The following SLC15A1 variants were observed in gnomAD, a reference collection of about 807,000 sequenced individuals.
The protein encoded by SLC15A1 is Caco-2 oligopeptide transporter.
Under a neutral mutation model 92.9 loss-of-function variants are expected in SLC15A1, and 83 were observed. That is an observed-to-expected ratio of 0.89 (90% confidence interval 0.75 to 1.07). SLC15A1 has a LOEUF of 1.07. Ranked by LOEUF, SLC15A1 falls within the 50% of genes least tolerant of loss-of-function variation. SLC15A1 has a pLI of 0.00. For missense variants in SLC15A1, 857 were observed against 880.1 expected (o/e 0.97, Z 0.33); for synonymous variants, 322 against 318.2 (o/e 1.01, Z -0.13).
chr13:98,687,463 A>G, intron 21 of SLC15A1, 118 bp downstream of exon 21: 1 of 1,230,820 alleles, frequency 8.1e-7, no homozygotes, highest in Non-Finnish European at 1.1e-6. Flanking sequence ...GGAAGATACC[A>G]TAATGCTTTC....
Position 98,731,570 on chromosome 13 carries a change from A to T in SLC15A1, c.5-4711T>A, listed in dbSNP as rs563720281. On this transcript the variant is annotated intron_variant, in intron 1 of 22. Coordinates refer to ENST00000376503, the MANE Select transcript of SLC15A1 (RefSeq NM_005073.4). ...GCAGGAGCGAGCTCTGAAAACCCAA[A>T]TCACCCAAATCCAGCAGAGAGAGCC... Among the ~76,000 whole-genome samples the T allele has an allele frequency of 3.9e-5, 6 of 152,156 alleles. 1 individual carries two copies. Among genetic ancestry groups the T allele is most frequent in the African/African-American group, 1.4e-4 (6 of 41,518 alleles).
Position 98,726,874 on chromosome 13 carries a change from G to A in SLC15A1, c.5-15C>T. ...TTTGGACATTCCTAAAAGAAAAACAGAATCCCAATATTAAAGTCAAGCCAT... is the reference window on the plus strand; with the variant it reads ...TTTGGACATTCCTAAAAGAAAAACAAAATCCCAATATTAAAGTCAAGCCAT... On this transcript the variant is annotated splice_polypyrimidine_tract_variant and intron_variant, in intron 1 of 22. Coordinates refer to ENST00000376503, the MANE Select transcript of SLC15A1 (RefSeq NM_005073.4). 6.2e-7 allele frequency: 1 copy of A among 1,612,914 alleles called. No individual in the cohort carries two copies. Among genetic ancestry groups the A allele is most frequent in the Non-Finnish European group, 8.5e-7 (1 of 1,178,886 alleles).
At chr13:98,742,451 G>C (rs766148276) in intron 1 of SLC15A1, among the ~76,000 whole-genome samples, 1 of 152,138 alleles carries the variant, frequency 6.6e-6, no homozygotes, top group Non-Finnish European at 1.5e-5. Context: ...GGTGTCCATG[G>C]CTCCAGCCTG....
chr13:98,684,752 G>A lies in SLC15A1; in HGVS notation c.2099C>T (p.Ser700Leu), dbSNP rs2087917193. Reference protein sequence around the residue: ...RLEKSNPYFMSGANSQKQM With the variant: ...RLEKSNPYFMLGANSQKQM ...CATCTGTTTCTGTGAATTGGCCCCT[G>A]ACATGAAATATGGGTTACTCTTTTC... Residue 700 changes from serine (S) to leucine (L), a missense_variant, in exon 23 of 23, where the codon TCA becomes TTA. Transcript: ENST00000376503. 1 of 1,613,892 alleles carries A rather than the reference G, an allele frequency of 6.2e-7. No individual in the cohort carries two copies. The highest frequency in any genetic ancestry group is 1.3e-5 in the African/African-American group (1 of 74,854).
intron 22 of SLC15A1, 50 bp from the exon 23 acceptor site, chr13:98,684,965 G>A (rs1323466318): frequency 2.4e-5 from 35 of 1,486,546 alleles, no homozygotes; most frequent in Non-Finnish European, 3.2e-5. Flanking sequence ...AATAAAACAG[G>A]TCATACTGAT....
chr13:98,702,584 G>T (rs8187829), intron 17 of SLC15A1, 55 bp from the exon 18 acceptor site: 40,014 of 1,322,100 alleles, frequency 0.03, 1,051 homozygotes, highest in African/African-American at 0.11. Flanking sequence ...TCATTAGAAT[G>T]AGTTCAGATG....
In SLC15A1 at chr13:98,684,448, G is replaced by A. The variant is rs566294624; in HGVS notation, c.*276C>T. ...TAATCCCAGCCACTCGGGAGGCTGAGGCAGGAGAATTACTTGAACCTGGGA... is the reference window on the plus strand; with the variant it reads ...TAATCCCAGCCACTCGGGAGGCTGAAGCAGGAGAATTACTTGAACCTGGGA... On this transcript the variant is annotated 3_prime_UTR_variant, in exon 23 of 23. Coordinates refer to ENST00000376503, the MANE Select transcript of SLC15A1 (RefSeq NM_005073.4). 15 of 256,400 alleles carry A rather than the reference G, an allele frequency of 5.9e-5. No individual in the cohort carries two copies. Among genetic ancestry groups the A allele is most frequent in the Non-Finnish European group, 9.7e-5 (13 of 134,422 alleles). 15.9% of individuals were successfully genotyped at this position (256,400 alleles called of 1,614,324 possible). A position where few individuals can be genotyped will look rare whatever the true frequency, so the allele number is the denominator to read the frequency against.
chr13:98,727,875 C>T (rs1198535493), intron 1 of SLC15A1, among the ~76,000 whole-genome samples: 2 of 152,208 alleles, frequency 1.3e-5, no homozygotes, highest in Admixed American at 6.5e-5. Context: ...ACATGCTCCA[C>T]CTCCATTAGG....
chr13:98,698,723 C>T (rs1255532788), intron 18 of SLC15A1, among the ~76,000 whole-genome samples: 3 of 152,294 alleles, frequency 2.0e-5, no homozygotes, highest in Middle Eastern at 3.4e-3. Context: ...AGGCATGAGC[C>T]ACCATGCCCA....
chr13:98,730,266 AAGGGGAG>A (rs2088338534), intron 1 of SLC15A1, among the ~76,000 whole-genome samples: 2 of 19,720 alleles, frequency 1.0e-4, no homozygotes, highest in Non-Finnish European at 1.7e-4. Context: ...AGGGGAGGGG[AAGGGGAG>A]GGGAAGGGGA....
intron 21 of SLC15A1, 145 bp from the exon 22 acceptor site, chr13:98,686,442 C>T (rs996367599): frequency 1.1e-5 from 7 of 643,708 alleles, no homozygotes; most frequent in African/African-American, 9.0e-5. Flanking sequence ...AAAGGATCAT[C>T]ACTTAAGTAA....
intron 8 of SLC15A1, among the ~76,000 whole-genome samples, chr13:98,717,941 C>T (rs1488241344): frequency 6.6e-6 from 1 of 152,118 alleles, no homozygotes; most frequent in Admixed American, 6.5e-5. Context: ...GTAGAAAACG[C>T]CACCTTTCCT....
intron 1 of SLC15A1, among the ~76,000 whole-genome samples, chr13:98,740,275 C>T (rs777351314): frequency 3.3e-5 from 5 of 152,208 alleles, no homozygotes; most frequent in Admixed American, 6.5e-5. Flanking sequence ...CTAGGCACGG[C>T]CCCTGTCCAG....
chr13:98,687,874 T>G (rs2087942947), intron 20 of SLC15A1, 150 bp from the exon 21 acceptor site: 1 of 941,580 alleles, frequency 1.1e-6, no homozygotes, highest in Admixed American at 3.0e-5. Flanking sequence ...CACTGCATTT[T>G]ACACTTGCAA....
At chr13:98,748,328 T>C (rs537419919) in intron 1 of SLC15A1, among the ~76,000 whole-genome samples, 79 of 152,366 alleles carry the variant, frequency 5.2e-4, no homozygotes, top group African/African-American at 1.5e-3. Flanking sequence ...AGTTTCTCTG[T>C]TGCCCAGGCT....
rs2088075957 is a variant in SLC15A1 at position 98,702,479 on chromosome 13, C to T, written c.1466+1G>A. ...CTTAAATTTTAAAGAAATATACATA[C>T]CTGATTCCATTTTCCCCTTTTTCTG... is the stretch of plus-strand genomic sequence containing the variant. On this transcript the variant is annotated splice_donor_variant, in intron 18 of 22. Transcript: ENST00000376503. LOFTEE classifies it high-confidence loss of function. 12 of 1,601,068 alleles carry T rather than the reference C, an allele frequency of 7.5e-6. No homozygotes were observed. Among genetic ancestry groups the T allele is most frequent in the Non-Finnish European group, 1.0e-5 (12 of 1,168,506 alleles).
In SLC15A1 at chr13:98,707,891, T is replaced by TTTTAA. The variant is rs1315915894; in HGVS notation, c.1149+794_1149+795insTTAAA. Among the ~76,000 whole-genome samples, 6 of 106,844 alleles carry TTTTAA rather than the reference T, an allele frequency of 5.6e-5. 1 individual carries two copies. The highest frequency in any genetic ancestry group is 2.4e-4 in the African/African-American group (6 of 25,296). The allele number at this position is 106,844 out of a possible 152,430, so 70.1% of individuals were successfully genotyped here. A position where few individuals can be genotyped will look rare whatever the true frequency, so the allele number is the denominator to read the frequency against. The stretch of plus-strand genomic sequence containing the variant: ...CTAGGCGACAGAGTGAGACCCTGTT[T>TTTTAA]AAAAAAAAAAAAAAAAAAAAAAAAA... On this transcript the variant is annotated intron_variant, in intron 15 of 22. Transcript: ENST00000376503.
intron 1 of SLC15A1, among the ~76,000 whole-genome samples, chr13:98,745,067 G>T (rs2088481890): frequency 6.6e-6 from 1 of 152,158 alleles, no homozygotes; most frequent in Non-Finnish European, 1.5e-5. Flanking sequence ...TTATCTGCAG[G>T]TCCACAGTAC....
intron 7 of SLC15A1, chr13:98,721,105 C>T (rs1331810813): frequency 8.3e-6 from 4 of 484,286 alleles, no homozygotes; most frequent in Non-Finnish European, 1.7e-5. Context: ...GTAAACTCTT[C>T]CTAAGTCACA....
Sources: gnomAD v4.1 joint callset for allele counts (sites outside exome capture counted in the v4.1 genomes callset) on GRCh38, gnomAD v4.1.1 for gene constraint, MANE v1.5 for transcripts, NCBI Gene and HGNC (gene_info 2026-07-23, HGNC 2026-07-21) for gene names.